The following GPD2 variants were observed in gnomAD, a reference collection of about 807,000 sequenced individuals.
GPD2 encodes the protein glycerol-3-phosphate dehydrogenase, mitochondrial.
A neutral mutation model predicts 82.4 loss-of-function variants in GPD2; 54 were observed. That is an observed-to-expected ratio of 0.66 (90% CI 0.53 to 0.82). The LOEUF (loss-of-function observed/expected upper bound fraction) is 0.82. GPD2 is among the 40% of genes least tolerant of loss of function. GPD2 has a pLI of 0.00. For synonymous variants in GPD2, 288 were observed against 306.1 expected (o/e 0.94, Z 0.62); for missense variants, 748 against 896.2 (o/e 0.83, Z 2.11).
At position 156,571,170 on chromosome 2, in the gene GPD2, G is replaced by A. The variant is rs1687599242; in HGVS notation, c.1645G>A (p.Val549Met). Residue 549 changes from valine (V) to methionine (M), a missense_variant, in exon 13 of 17, where the codon GTG becomes ATG. Physicochemically the swap from Val to Met is conservative, Grantham distance 21. Around this residue, in one of 3 missense-constraint regions of GPD2, gnomAD observed 692 missense variants for 809.7 expected, o/e 0.85. Coordinates refer to ENST00000438166, the MANE Select transcript of GPD2 (RefSeq NM_000408.5). ...GATTAAGGAGTATGCCTGCACTGCT[G>A]TGGATATGATTTCACGTCGTACTCG... is the stretch of plus-strand genomic sequence containing the variant. Reference protein sequence around the residue: ...YGIKEYACTAVDMISRRTRLA... With the variant: ...YGIKEYACTAMDMISRRTRLA... 7 of 1,611,078 alleles carry A rather than the reference G, an allele frequency of 4.3e-6. No homozygotes were observed. The highest frequency in any genetic ancestry group is 5.9e-6 in the Non-Finnish European group (7 of 1,177,396).
intron 3 of GPD2, among the ~76,000 whole-genome samples, chr2:156,499,371 A>C (rs1684503315): frequency 6.6e-6 from 1 of 152,156 alleles, no homozygotes; most frequent in African/African-American, 2.4e-5. Context: ...CAATGATGAA[A>C]AGAAAAAATG....
intron 6 of GPD2, among the ~76,000 whole-genome samples, chr2:156,540,076 G>C (rs1407359662): frequency 6.6e-6 from 1 of 152,166 alleles, no homozygotes; most frequent in African/African-American, 2.4e-5. Flanking sequence ...AGGACATTGA[G>C]CAGCAGGCAG....
At chr2:156,520,557 A>G (rs987915270) in intron 6 of GPD2, among the ~76,000 whole-genome samples, 1 of 128,436 alleles carries the variant, frequency 7.8e-6, no homozygotes. Context: ...AATTATTTTT[A>G]TTGTTATTTA....
chr2:156,548,766 A>T (rs1052693658), intron 6 of GPD2, among the ~76,000 whole-genome samples: 2 of 152,214 alleles, frequency 1.3e-5, no homozygotes, highest in African/African-American at 2.4e-5. Context: ...CCCTGCTTCA[A>T]TACATCTAGC....
At chr2:156,547,258 G>A (rs1483448632) in intron 6 of GPD2, among the ~76,000 whole-genome samples, 2 of 152,178 alleles carry the variant, frequency 1.3e-5, no homozygotes, top group African/African-American at 4.8e-5. Context: ...CCCAGAGGAA[G>A]CAGTGAATAA....
At chr2:156,471,627 C>T (rs528489305) in intron 1 of GPD2, among the ~76,000 whole-genome samples, 26 of 152,312 alleles carry the variant, frequency 1.7e-4, no homozygotes, top group African/African-American at 6.3e-4. Context: ...TCACTCCCCT[C>T]CAAATTTTTT....
In GPD2 at chr2:156,549,696, G is replaced by T. The variant is rs1414740791; in HGVS notation, c.750G>T (p.Val250=). 6.2e-7 allele frequency: 1 copy of T among 1,614,030 alleles called. No homozygotes were observed. The change falls in exon 7 of 17, where the codon GTG becomes GTT. Residue 250 remains valine (V), a synonymous_variant. Transcript: ENST00000438166. ...GAATANYMEV[V]SLLKKTDPQT... ...CCACAGCCAATTACATGGAGGTAGTGAGCTTGCTCAAGAAGACAGACCCCC... is the reference window on the plus strand; with the variant it reads ...CCACAGCCAATTACATGGAGGTAGTTAGCTTGCTCAAGAAGACAGACCCCC...
chr2:156,534,387 G>T (rs1429568029), intron 6 of GPD2, among the ~76,000 whole-genome samples: 1 of 152,194 alleles, frequency 6.6e-6, no homozygotes, highest in Non-Finnish European at 1.5e-5. Flanking sequence ...AAATGTTTGG[G>T]TGCAAAAACA....
intron 9 of GPD2, 60 bp downstream of exon 9, chr2:156,557,642 C>A: frequency 1.1e-6 from 1 of 905,344 alleles, no homozygotes; most frequent in Non-Finnish European, 1.9e-6. Flanking sequence ...GCCATTCCAG[C>A]TCTCACTGGA....
At chr2:156,552,425 G>T (rs563371051) in intron 8 of GPD2, among the ~76,000 whole-genome samples, 2 of 152,280 alleles carry the variant, frequency 1.3e-5, no homozygotes, top group Admixed American at 1.3e-4. Flanking sequence ...AGATGCAATT[G>T]TATACGCTTT....
intron 6 of GPD2, among the ~76,000 whole-genome samples, chr2:156,538,605 G>A (rs1400072687): frequency 6.6e-6 from 1 of 151,998 alleles, no homozygotes; most frequent in Non-Finnish European, 1.5e-5. Flanking sequence ...TGGATCACGA[G>A]GTCAGGAGAT....
the GPD2 span, among the ~76,000 whole-genome samples, chr2:156,420,514 A>G: frequency 6.6e-6 from 1 of 152,204 alleles, no homozygotes; most frequent in Non-Finnish European, 1.5e-5. Context: ...TAAAATATCA[A>G]CTAGATAATG....
Position 156,478,441 on chromosome 2 carries a change from A to G in GPD2, c.102+2234A>G, listed in dbSNP as rs576561070. Among the ~76,000 whole-genome samples, 4 of 152,240 alleles carry G rather than the reference A, an allele frequency of 2.6e-5. No homozygotes were observed. In the East Asian group the frequency reaches 7.7e-4, roughly 29 times the overall value. ...TTCTGGTGATTCCTGTCCCTTTAAG[A>G]TACTGCCATTAGCATGTATTTGGGG... On this transcript the variant is annotated intron_variant, in intron 2 of 16. Coordinates refer to ENST00000438166, the MANE Select transcript of GPD2 (RefSeq NM_000408.5).
At chr2:156,574,428 G>A (rs1687745320) in intron 13 of GPD2, among the ~76,000 whole-genome samples, 1 of 152,126 alleles carries the variant, frequency 6.6e-6, no homozygotes, top group South Asian at 2.1e-4. Flanking sequence ...CTTTTTGGGA[G>A]AACTGGGTAG....
At chr2:156,550,571 G>T (rs1193419093) in intron 7 of GPD2, 31 bp from the exon 8 acceptor site, 1 of 1,609,366 alleles carries the variant, frequency 6.2e-7, no homozygotes, top group East Asian at 2.2e-5. Flanking sequence ...AAACAAATGA[G>T]GTGTGTGATT....
rs185595339 is a variant in GPD2, at chr2:156,440,104, C to T, written c.-9+3591C>T. Reference sequence around the variant, plus strand: ...TGCTCATCAAAATACTTAAATAATTCCATCATGTCTTAAGACTTTTGAGAT... The same window carrying T: ...TGCTCATCAAAATACTTAAATAATTTCATCATGTCTTAAGACTTTTGAGAT... On this transcript the variant is annotated intron_variant, in intron 1 of 16. Transcript: ENST00000438166. Among the ~76,000 whole-genome samples, 602 of 152,166 alleles carry T rather than the reference C, an allele frequency of 4.0e-3. 3 individuals are homozygous for T. Among genetic ancestry groups the T allele is most frequent in the Non-Finnish European group, 6.8e-3 (463 of 67,992 alleles).
chr2:156,585,720 T>C lies in GPD2; in HGVS notation c.*2802T>C, dbSNP rs990360248. On this transcript the variant is annotated 3_prime_UTR_variant, in exon 17 of 17. Coordinates refer to ENST00000438166, the MANE Select transcript of GPD2 (RefSeq NM_000408.5). ...ACTAAATATACTGTAGGAGTCATCATTGATGTTATTTTTCTCTTATGTATC... is the reference window on the plus strand; with the variant it reads ...ACTAAATATACTGTAGGAGTCATCACTGATGTTATTTTTCTCTTATGTATC... 2 of 152,452 alleles carry C rather than the reference T, an allele frequency of 1.3e-5. No homozygotes were observed. Among genetic ancestry groups the C allele is most frequent in the African/African-American group, 4.8e-5 (2 of 41,412 alleles). The allele number at this position is 152,452 out of a possible 1,614,324, so 9.4% of individuals were successfully genotyped here.
chr2:156,551,083 C>T (rs892828650), intron 8 of GPD2, among the ~76,000 whole-genome samples: 13 of 152,090 alleles, frequency 8.5e-5, no homozygotes, highest in African/African-American at 3.1e-4. Context: ...TTATAAAGGA[C>T]GTATTTTAGT....
the GPD2 span, among the ~76,000 whole-genome samples, chr2:156,402,615 G>A: frequency 6.6e-6 from 1 of 151,978 alleles, no homozygotes; most frequent in African/African-American, 2.4e-5. Context: ...TTCATGGTGG[G>A]GACTACAGGT....
Sources: allele counts gnomAD v4.1 joint callset (sites outside exome capture counted in the v4.1 genomes callset), GRCh38; gene constraint gnomAD v4.1.1; regional missense constraint gnomAD v4.1.1; transcripts MANE v1.5; gene names NCBI Gene and HGNC (gene_info 2026-07-23, HGNC 2026-07-21).